CABP7: variants seen among roughly 807,000 people sequenced by gnomAD.
The protein encoded by CABP7 is calcium binding protein 7, also known as calcium-binding protein 7.
CABP7 carries 13 observed loss-of-function variants against 23.1 expected under a neutral mutation model. The observed-to-expected ratio is 0.56, with a 90% CI of 0.37 to 0.90. The LOEUF is 0.90. CABP7 is among the 40% of genes least tolerant of loss of function. CABP7 has a pLI of 0.01. For missense variants in CABP7, 248 were observed against 295.6 expected, an observed-to-expected ratio of 0.84 and a Z score of 1.18; for synonymous variants, 123 against 115.3, an observed-to-expected ratio of 1.07 and a Z score of -0.43.
intron 1 of CABP7, among the ~76,000 whole-genome samples, chr22:29,724,659 G>A (rs925491798): frequency 6.6e-6 from 1 of 152,180 alleles, no homozygotes; most frequent in Middle Eastern, 3.2e-3. Flanking sequence ...CCCAGCACAG[G>A]CAAAGGCACC....
Position 29,720,658 on chromosome 22 carries a change from G to A in CABP7, c.109+125G>A. 2 of 493,016 alleles carry A rather than the reference G, an allele frequency of 4.1e-6. No homozygotes were observed. The highest frequency in any genetic ancestry group is 6.9e-6 in the Non-Finnish European group (2 of 290,774). The allele number at this position is 493,016 out of a possible 1,614,324, so 30.5% of individuals were successfully genotyped here. A position where few individuals can be genotyped will look rare whatever the true frequency, so the allele number is the denominator to read the frequency against. ...CGCAGGTGCCGGTTGCCAGGTGGGC[G>A]CCCCAGCTAGCAGCTGTGCCCCGCG... is the stretch of plus-strand genomic sequence containing the variant. On this transcript the variant is annotated intron_variant, in intron 1 of 4. Transcript: ENST00000216144. This position sits in a 1 kb window ranked among gnomAD's most constrained non-coding sequence, Gnocchi z 5.2.
In CABP7 at chr22:29,731,230, C is replaced by T. The variant is rs776848530; in HGVS notation, c.*1661C>T. 58 of 1,499,156 alleles carry T rather than the reference C, an allele frequency of 3.9e-5. No homozygotes were observed. In the Admixed American group the frequency reaches 7.7e-4, roughly 20 times the overall value. The allele number at this position is 1,499,156 out of a possible 1,614,324, so 92.9% of individuals were successfully genotyped here. A position where few individuals can be genotyped will look rare whatever the true frequency, so the allele number is the denominator to read the frequency against. On this transcript the variant is annotated 3_prime_UTR_variant, in exon 5 of 5. Coordinates refer to ENST00000216144, the MANE Select transcript of CABP7 (RefSeq NM_182527.3). Reference sequence around the variant, plus strand: ...GTCAGTCGGGGGCAAGGGGCTCAGCCCCACTGGACTCTGGGCTGCAGAGGC... The same window carrying T: ...GTCAGTCGGGGGCAAGGGGCTCAGCTCCACTGGACTCTGGGCTGCAGAGGC...
rs755316473 is a variant in CABP7, at chr22:29,731,217, C to T, written c.*1648C>T. On this transcript the variant is annotated 3_prime_UTR_variant, in exon 5 of 5. Coordinates refer to ENST00000216144, the MANE Select transcript of CABP7 (RefSeq NM_182527.3). ...TGACCACGTGGGGGTCAGTCGGGGG[C>T]AAGGGGCTCAGCCCCACTGGACTCT... 13 of 1,489,884 alleles carry T rather than the reference C, an allele frequency of 8.7e-6. No individual in the cohort carries two copies. In the African/African-American group the frequency reaches 1.2e-4, roughly 14 times the overall value. The allele number at this position is 1,489,884 out of a possible 1,614,324, so 92.3% of individuals were successfully genotyped here.
At chr22:29,722,459 G>A (rs1272310615) in intron 1 of CABP7, among the ~76,000 whole-genome samples, 1 of 152,260 alleles carries the variant, frequency 6.6e-6, no homozygotes, top group East Asian at 1.9e-4. Flanking sequence ...GACTCAGGGG[G>A]CATCTGAAGG....
At position 29,729,626 on chromosome 22, in the gene CABP7, C is replaced by T; in HGVS notation, c.*57C>T. ...GGTGCCCGTGGCCCGCCCCACACCA[C>T]CGCCGCCTGCAGACCTCTCCCTTGG... On this transcript the variant is annotated 3_prime_UTR_variant, in exon 5 of 5. Transcript: ENST00000216144. 1.9e-6 allele frequency: 3 copies of T among 1,590,986 alleles called. No homozygotes were observed. Among genetic ancestry groups the T allele is most frequent in the Non-Finnish European group, 1.7e-6 (2 of 1,173,710 alleles).
rs1232462861 is a variant in CABP7 at position 29,723,274 on chromosome 22, C to T, written c.109+2741C>T. Among the ~76,000 whole-genome samples, 12 of 152,076 alleles carry T rather than the reference C, an allele frequency of 7.9e-5. 1 individual carries two copies. The stretch of plus-strand genomic sequence containing the variant: ...GAAAAGGTCTCTGGGGACCTGTGGC[C>T]CTGGGGAGGCATGGAGGGCAGTTGG... On this transcript the variant is annotated intron_variant, in intron 1 of 4. Coordinates refer to ENST00000216144, the MANE Select transcript of CABP7 (RefSeq NM_182527.3).
chr22:29,720,528 TG>T lies in CABP7; in HGVS notation c.106del (p.Glu36ArgfsTer60). On this transcript the variant is annotated frameshift_variant, in exon 1 of 5. Transcript: ENST00000216144. LOFTEE classifies it high-confidence loss of function. This position sits in a 1 kb window ranked among gnomAD's most constrained non-coding sequence, Gnocchi z 5.2. The stretch of plus-strand genomic sequence containing the variant: ...CCGGTGGACATCCCGGAGGACGAGC[TG>T]GAGGGTGAGTGTCCGCCGGGATCCC... ...QRPVDIPEDE[L>X]EEIREAFKVF... 6.5e-7 allele frequency: 1 copy of T among 1,533,508 alleles called. No individual in the cohort carries two copies. The highest frequency in any genetic ancestry group is 8.8e-7 in the Non-Finnish European group (1 of 1,140,320). The allele number at this position is 1,533,508 out of a possible 1,614,324, so 95.0% of individuals were successfully genotyped here.
chr22:29,727,319 G>A lies in CABP7; in HGVS notation c.110-343G>A, dbSNP rs1173362209. 6.6e-6 allele frequency among the ~76,000 whole-genome samples: 1 copy of A among 152,162 alleles called. No individual in the cohort carries two copies. Among genetic ancestry groups the A allele is most frequent in the African/African-American group, 2.4e-5 (1 of 41,522 alleles). ...GGGTGGGGAAGCCGTCAGCAGCCGC[G>A]GGGGCCGGGGAGATCCAGCATCCTC... On this transcript the variant is annotated intron_variant, in intron 1 of 4. Transcript: ENST00000216144. This position sits in a 1 kb window ranked among gnomAD's most constrained non-coding sequence, Gnocchi z 4.2.
rs1276631134 is a variant in CABP7, at chr22:29,721,933, C to G, written c.109+1400C>G. On this transcript the variant is annotated intron_variant, in intron 1 of 4. Coordinates refer to ENST00000216144, the MANE Select transcript of CABP7 (RefSeq NM_182527.3). ...CCCAGGGCCAGAGCCTCCTCCAGAG[C>G]CCGGGGAAAGGAGGGGTACGATGGT... Among the ~76,000 whole-genome samples the G allele has an allele frequency of 3.9e-5, 6 of 152,068 alleles. No homozygotes were observed. In the East Asian group the frequency reaches 1.2e-3, roughly 29 times the overall value.
At chr22:29,726,000 C>G (rs1267391877) in intron 1 of CABP7, among the ~76,000 whole-genome samples, 1 of 152,176 alleles carries the variant, frequency 6.6e-6, no homozygotes, top group African/African-American at 2.4e-5. Flanking sequence ...CTCACCACCT[C>G]TTTGGTGGCC....
At chr22:29,728,923 C>T (rs1298713018) in intron 3 of CABP7, 132 bp from the exon 4 acceptor site, 1 of 1,265,830 alleles carries the variant, frequency 7.9e-7, no homozygotes, top group Admixed American at 1.9e-5. Flanking sequence ...GTCAAGGACT[C>T]TCTGGGGGAA....
Position 29,720,583 on chromosome 22 carries a change from C to G in CABP7, c.109+50C>G. ...CCCGGCGGCCCTCCTACCTGTGCGCCCAGGTGAAGCGCGGGCCAGGGGCGC... is the reference window on the plus strand; with the variant it reads ...CCCGGCGGCCCTCCTACCTGTGCGCGCAGGTGAAGCGCGGGCCAGGGGCGC... On this transcript the variant is annotated intron_variant, in intron 1 of 4. Coordinates refer to ENST00000216144, the MANE Select transcript of CABP7 (RefSeq NM_182527.3). This position sits in a 1 kb window ranked among gnomAD's most constrained non-coding sequence, Gnocchi z 5.2. 1 of 1,294,834 alleles carries G rather than the reference C, an allele frequency of 7.7e-7. No homozygotes were observed. The highest frequency in any genetic ancestry group is 1.0e-6 in the Non-Finnish European group (1 of 955,620). The allele number at this position is 1,294,834 out of a possible 1,614,324, so 80.2% of individuals were successfully genotyped here.
In CABP7 at chr22:29,731,117, G is replaced by A; in HGVS notation, c.*1548G>A. Reference sequence around the variant, plus strand: ...CGTGTCCTGAGCCTCAGTGAGGCTGGGCAGATGGTCTCGGAGCCTCCATGG... The same window carrying A: ...CGTGTCCTGAGCCTCAGTGAGGCTGAGCAGATGGTCTCGGAGCCTCCATGG... On this transcript the variant is annotated 3_prime_UTR_variant, in exon 5 of 5. Transcript: ENST00000216144. 1 of 1,246,778 alleles carries A rather than the reference G, an allele frequency of 8.0e-7. No homozygotes were observed. Among genetic ancestry groups the A allele is most frequent in the Non-Finnish European group, 1.1e-6 (1 of 938,708 alleles). The allele number at this position is 1,246,778 out of a possible 1,614,324, so 77.2% of individuals were successfully genotyped here. A position where few individuals can be genotyped will look rare whatever the true frequency, so the allele number is the denominator to read the frequency against.
At position 29,720,367 on chromosome 22, in the gene CABP7, G is replaced by C. The variant is rs903000827; in HGVS notation, c.-58G>C. The C allele has an allele frequency of 2.8e-5, 31 of 1,113,360 alleles. No individual in the cohort carries two copies. The highest frequency in any genetic ancestry group is 3.7e-5 in the Non-Finnish European group (31 of 842,596). 69.0% of individuals were successfully genotyped at this position (1,113,360 alleles called of 1,614,324 possible). A position where few individuals can be genotyped will look rare whatever the true frequency, so the allele number is the denominator to read the frequency against. On this transcript the variant is annotated 5_prime_UTR_variant, in exon 1 of 5. Coordinates refer to ENST00000216144, the MANE Select transcript of CABP7 (RefSeq NM_182527.3). This position sits in a 1 kb window ranked among gnomAD's most constrained non-coding sequence, Gnocchi z 5.2. ...TCCAGCCGCCCCCGGGGCCGCCACCGGCCCATGAGCCCCGGCCTCAAAGTT... is the reference window on the plus strand; with the variant it reads ...TCCAGCCGCCCCCGGGGCCGCCACCCGCCCATGAGCCCCGGCCTCAAAGTT...
intron 1 of CABP7, among the ~76,000 whole-genome samples, chr22:29,724,132 C>T (rs5752955): frequency 0.071 from 10,816 of 152,266 alleles, 863 homozygotes; most frequent in South Asian, 0.18. Flanking sequence ...GATGGCACAA[C>T]GGTGGCAGGA....
rs756512676 is a variant in CABP7 at position 29,726,058 on chromosome 22, G to A, written c.110-1604G>A. Among the ~76,000 whole-genome samples the A allele has an allele frequency of 2.6e-4, 40 of 152,166 alleles. 2 individuals are homozygous for A. The highest frequency in any genetic ancestry group is 1.2e-4 in the Non-Finnish European group (8 of 68,022). On this transcript the variant is annotated intron_variant, in intron 1 of 4. Coordinates refer to ENST00000216144, the MANE Select transcript of CABP7 (RefSeq NM_182527.3). ...TGGCCTGGAGTTCCCAGAGTCCAGG[G>A]TTTGCAGAATCCTGTGGCCCTGGCA...
intron 1 of CABP7, among the ~76,000 whole-genome samples, chr22:29,723,115 G>C (rs369681187): frequency 3.3e-5 from 5 of 152,184 alleles, no homozygotes; most frequent in East Asian, 3.9e-4. Flanking sequence ...GGACCCAGAT[G>C]CAACATGAGG....
rs1050003190 is a variant in CABP7 at position 29,727,500 on chromosome 22, C to T, written c.110-162C>T. Among the ~76,000 whole-genome samples the T allele has an allele frequency of 6.6e-6, 1 of 152,214 alleles. No homozygotes were observed. Among genetic ancestry groups the T allele is most frequent in the Non-Finnish European group, 1.5e-5 (1 of 68,042 alleles). On this transcript the variant is annotated intron_variant, in intron 1 of 4. Transcript: ENST00000216144. This position sits in a 1 kb window ranked among gnomAD's most constrained non-coding sequence, Gnocchi z 4.2. ...CCTGCCCAGAGGTCCCAGAATACGG[C>T]ACCCTTGTGCACCCTCGGGCCATGC...
At chr22:29,722,547 C>T (rs2067768864) in intron 1 of CABP7, among the ~76,000 whole-genome samples, 1 of 152,252 alleles carries the variant, frequency 6.6e-6, no homozygotes. Context: ...ATCTCTGGCC[C>T]AGTGGGCAGC....
Sources: allele counts gnomAD v4.1 joint callset (sites outside exome capture counted in the v4.1 genomes callset), GRCh38; gene constraint gnomAD v4.1.1; non-coding constraint Gnocchi (gnomAD v3.1); transcripts MANE v1.5; gene names NCBI Gene and HGNC (gene_info 2026-07-23, HGNC 2026-07-21).